The following DPYSL5 variants were observed in gnomAD, a reference collection of about 807,000 sequenced individuals.
DPYSL5 encodes dihydropyrimidinase-related protein 5.
A neutral mutation model predicts 58.4 loss-of-function variants in DPYSL5; 9 were observed. The ratio of observed to expected loss-of-function variants is 0.15; its 90% confidence interval spans 0.09 to 0.27. The LOEUF is 0.27. Among genes scored for constraint, DPYSL5 ranks in the 10% least tolerant of loss-of-function variants. The probability of loss-of-function intolerance (pLI) is 1.00; values close to 1 mark genes in which losing one functional copy is unlikely to be tolerated. For synonymous variants in DPYSL5, 293 were observed against 301.9 expected, an observed-to-expected ratio of 0.97 and a Z score of 0.31; for missense variants, 499 against 770.6, an observed-to-expected ratio of 0.65 and a Z score of 4.17.
At position 26,884,267 on chromosome 2, in the gene DPYSL5, T is replaced by C. The variant is rs570034841; in HGVS notation, c.-4-14229T>C. Among the ~76,000 whole-genome samples, 6 of 152,292 alleles carry C rather than the reference T, an allele frequency of 3.9e-5. No individual in the cohort carries two copies. The East Asian group carries it at 1.2e-3, about 29-fold the overall frequency. On this transcript the variant is annotated intron_variant, in intron 1 of 12. Transcript: ENST00000288699. ...GGGAGTCAGGAGTCCTTGTCTCCCA[T>C]GTGTACACCTGTCTGTCCTTCTTCC... is the stretch of plus-strand genomic sequence containing the variant.
chr2:26,879,997 C>G (rs368745376), intron 1 of DPYSL5, among the ~76,000 whole-genome samples: 23 of 152,174 alleles, frequency 1.5e-4, no homozygotes, highest in African/African-American at 5.3e-4. Flanking sequence ...CTCAAGTGAT[C>G]CTCCTGCCTC....
intron 1 of DPYSL5, among the ~76,000 whole-genome samples, chr2:26,897,521 G>T (rs1490413216): frequency 1.3e-5 from 2 of 152,144 alleles, no homozygotes; most frequent in Non-Finnish European, 2.9e-5. Flanking sequence ...CATTTGTGTG[G>T]TGTCTAATTC....
At chr2:26,928,752 C>CGTGTGTGTGTGTGTGTGT (rs775375591) in intron 5 of DPYSL5, among the ~76,000 whole-genome samples, 4 of 86,704 alleles carry the variant, frequency 4.6e-5, no homozygotes, top group African/African-American at 1.3e-4. Flanking sequence ...CACACACATA[C>CGTGTGTGTGTGTGTGTGT]GTGTGTGCGT....
chr2:26,932,632 T>G (rs887511708), intron 6 of DPYSL5, among the ~76,000 whole-genome samples: 5 of 152,178 alleles, frequency 3.3e-5, no homozygotes, highest in African/African-American at 7.2e-5. Flanking sequence ...CAACAAAAAG[T>G]CAGTTCCTTG....
intron 1 of DPYSL5, among the ~76,000 whole-genome samples, chr2:26,883,193 C>G (rs529900196): frequency 6.6e-6 from 1 of 152,126 alleles, no homozygotes; most frequent in Non-Finnish European, 1.5e-5. Flanking sequence ...AGAAGCTCCC[C>G]CTACCATGGG....
At chr2:26,901,676 C>T (rs539382984) in intron 2 of DPYSL5, among the ~76,000 whole-genome samples, 11 of 152,250 alleles carry the variant, frequency 7.2e-5, no homozygotes, top group Non-Finnish European at 1.2e-4. Context: ...CTCACCCGAA[C>T]GATTAGCCAA....
chr2:26,929,638 C>T (rs1420979719), intron 5 of DPYSL5, among the ~76,000 whole-genome samples: 1 of 152,226 alleles, frequency 6.6e-6, no homozygotes, highest in East Asian at 1.9e-4. Flanking sequence ...GAAACCGGTC[C>T]CTGGTGCCAA....
intron 1 of DPYSL5, among the ~76,000 whole-genome samples, chr2:26,889,803 A>G (rs1053538345): frequency 2.6e-5 from 4 of 151,560 alleles, no homozygotes; most frequent in African/African-American, 7.3e-5. Context: ...CCTCTGCCTG[A>G]CTCCTTCACT....
intron 5 of DPYSL5, among the ~76,000 whole-genome samples, chr2:26,930,439 G>A (rs1664940902): frequency 6.6e-6 from 1 of 152,188 alleles, no homozygotes; most frequent in African/African-American, 2.4e-5. Flanking sequence ...TCCCAACCTG[G>A]GGGGCAGGGC....
intron 1 of DPYSL5, among the ~76,000 whole-genome samples, chr2:26,896,067 C>T (rs1462959455): frequency 6.6e-5 from 10 of 152,004 alleles, no homozygotes; most frequent in South Asian, 4.2e-4. Context: ...CATGAGCCAC[C>T]GCACCCAGCC....
chr2:26,894,850 TG>T (rs1202751616), intron 1 of DPYSL5, among the ~76,000 whole-genome samples: 1 of 152,216 alleles, frequency 6.6e-6, no homozygotes, highest in East Asian at 1.9e-4. Context: ...AGATCTTCTG[TG>T]GTCCTTGCCC....
intron 2 of DPYSL5, among the ~76,000 whole-genome samples, chr2:26,908,544 A>C (rs1032266390): frequency 2.6e-5 from 4 of 152,222 alleles, no homozygotes; most frequent in African/African-American, 9.6e-5. Context: ...GAATGAGGAG[A>C]TCTATCGTTT....
At chr2:26,935,426 A>C (rs935142204) in intron 8 of DPYSL5, among the ~76,000 whole-genome samples, 8 of 152,188 alleles carry the variant, frequency 5.3e-5, no homozygotes, top group Admixed American at 4.6e-4. Context: ...AGTGGTTCAC[A>C]CCTGTAATCC....
intron 1 of DPYSL5, among the ~76,000 whole-genome samples, chr2:26,853,785 A>C (rs1292211539): frequency 6.6e-6 from 1 of 152,148 alleles, no homozygotes; most frequent in Non-Finnish European, 1.5e-5. Flanking sequence ...TTAACTAATC[A>C]TATGAGGCCC....
chr2:26,910,204 A>G (rs1296164258), intron 2 of DPYSL5, among the ~76,000 whole-genome samples: 1 of 152,234 alleles, frequency 6.6e-6, no homozygotes, highest in Non-Finnish European at 1.5e-5. Flanking sequence ...TCATATACAT[A>G]TATTTGTGTG....
chr2:26,893,257 G>C (rs943834940), intron 1 of DPYSL5, among the ~76,000 whole-genome samples: 2 of 152,206 alleles, frequency 1.3e-5, no homozygotes, highest in Non-Finnish European at 2.9e-5. Context: ...GAGATTCCAT[G>C]CACTTGAGCC....
Position 26,934,003 on chromosome 2 carries a change from C to T in DPYSL5, c.791-575C>T, listed in dbSNP as rs1422143393. On this transcript the variant is annotated intron_variant, in intron 7 of 12. Coordinates refer to ENST00000288699, the MANE Select transcript of DPYSL5 (RefSeq NM_020134.4). The surrounding 1 kb of genome is among the most constrained non-coding windows in gnomAD (Gnocchi z 4.3). ...TCGATCAGAAGCAAGGGCATCCTGG[C>T]CTTCAACTCTATCGCCCTCTAGATC... Among the ~76,000 whole-genome samples, 3 of 152,118 alleles carry T rather than the reference C, an allele frequency of 2.0e-5. No homozygotes were observed.
At chr2:26,897,665 G>A (rs753070268) in intron 1 of DPYSL5, among the ~76,000 whole-genome samples, 3 of 152,044 alleles carry the variant, frequency 2.0e-5, no homozygotes, top group Admixed American at 6.6e-5. Flanking sequence ...GGCTAATACC[G>A]GCTTCATAAA....
At chr2:26,870,878 T>C (rs1663246174) in intron 1 of DPYSL5, among the ~76,000 whole-genome samples, 1 of 152,218 alleles carries the variant, frequency 6.6e-6, no homozygotes, top group South Asian at 2.1e-4. Context: ...TAGTAGTTAA[T>C]AGTTAATACA....
Sources: gnomAD v4.1 joint callset for allele counts (sites outside exome capture counted in the v4.1 genomes callset) on GRCh38, gnomAD v4.1.1 for gene constraint, Gnocchi (gnomAD v3.1) non-coding constraint, MANE v1.5 for transcripts, NCBI Gene and HGNC (gene_info 2026-07-23, HGNC 2026-07-21) for gene names.